RLN1: variants seen among roughly 807,000 people sequenced by gnomAD.
The protein encoded by RLN1 is prorelaxin H1.
RLN1 carries 4 observed loss-of-function variants against 7.2 expected under a neutral mutation model. The ratio of observed to expected loss-of-function variants is 0.56; its 90% CI spans 0.28 to 1.28. RLN1 has a LOEUF of 1.28. RLN1 is among the 50% of genes most tolerant of loss of function. The probability of loss-of-function intolerance (pLI) is 0.11; values close to 1 mark genes in which losing one functional copy is unlikely to be tolerated. For missense variants in RLN1, 293 were observed against 221.1 expected (o/e 1.32, Z -2.06); for synonymous variants, 105 against 86.0 (o/e 1.22, Z -1.22).
At chr9:5,337,206 G>A (rs1203532629) in intron 1 of RLN1, among the ~76,000 whole-genome samples, 1 of 151,922 alleles carries the variant, frequency 6.6e-6, no homozygotes, top group African/African-American at 2.4e-5. Flanking sequence ...TAAACTGTCT[G>A]TAGTTGCAGT....
rs751960733 is a variant in RLN1, at chr9:5,339,735, C to A, written c.12G>T (p.Leu4=). MPR[L]FLFHLLEFCL... is the part of the protein sequence containing the mutation. ...AGAATTCTAGCAGGTGGAACAAGAACAGGCGAGGCATCCTGGGCCTGGTCT... is the reference window on the plus strand; with the variant it reads ...AGAATTCTAGCAGGTGGAACAAGAAAAGGCGAGGCATCCTGGGCCTGGTCT... Residue 4 remains leucine (L), a synonymous_variant, in exon 1 of 2, where the codon CTG becomes CTT. Coordinates refer to ENST00000223862, the MANE Select transcript of RLN1 (RefSeq NM_006911.4). 3 of 1,613,606 alleles carry A rather than the reference C, an allele frequency of 1.9e-6. No individual in the cohort carries two copies. The Admixed American group carries it at 5.0e-5, about 27-fold the overall frequency.
intron 1 of RLN1, among the ~76,000 whole-genome samples, 174 bp from the exon 2 acceptor site, chr9:5,335,771 C>A (rs1247766051): frequency 2.6e-5 from 4 of 152,006 alleles, no homozygotes; most frequent in Non-Finnish European, 5.9e-5. Context: ...TACAGTTGGA[C>A]ACCTTAAAGT....
At chr9:5,340,034 T>A (rs1385200569), upstream of RLN1, among the ~76,000 whole-genome samples, 1 of 152,206 alleles carries the variant, frequency 6.6e-6, no homozygotes, top group East Asian at 1.9e-4. Context: ...TACAGTTTTG[T>A]TTTTCGCTCT....
chr9:5,339,245 C>T, intron 1 of RLN1: 1 of 256,072 alleles, frequency 3.9e-6, no homozygotes. Flanking sequence ...TCCACCCCGT[C>T]GCTCTGACTG....
Position 5,335,607 on chromosome 9 carries a change from T to C in RLN1, c.212-10A>G. The C allele has an allele frequency of 6.4e-7, 1 of 1,572,058 alleles. No individual in the cohort carries two copies. Among genetic ancestry groups the C allele is most frequent in the Non-Finnish European group, 8.7e-7 (1 of 1,152,640 alleles). ...AAGGATGGTACAATTTCTGTTAAGTTTAAAAAAAAAGTGTATGTGAAGGCG... is the reference window on the plus strand; with the variant it reads ...AAGGATGGTACAATTTCTGTTAAGTCTAAAAAAAAAGTGTATGTGAAGGCG... On this transcript the variant is annotated splice_polypyrimidine_tract_variant and intron_variant, in intron 1 of 1. Coordinates refer to ENST00000223862, the MANE Select transcript of RLN1 (RefSeq NM_006911.4).
intron 1 of RLN1, chr9:5,339,286 G>A (rs1476390011): frequency 1.1e-5 from 4 of 361,280 alleles, no homozygotes; most frequent in Admixed American, 1.2e-4. Context: ...GGAACTCTCG[G>A]GTGAAGCAGC....
chr9:5,337,471 T>G (rs986763195), intron 1 of RLN1, among the ~76,000 whole-genome samples: 5 of 152,050 alleles, frequency 3.3e-5, no homozygotes, highest in African/African-American at 1.2e-4. Flanking sequence ...GTATTTTGGA[T>G]GCAAATCTTA....
chr9:5,337,298 A>T (rs1234336452), intron 1 of RLN1, among the ~76,000 whole-genome samples: 8 of 152,048 alleles, frequency 5.3e-5, no homozygotes, highest in African/African-American at 9.7e-5. Flanking sequence ...ACAGTTATAG[A>T]TTGTATTCAG....
At chr9:5,337,055 G>T (rs1184559882) in intron 1 of RLN1, among the ~76,000 whole-genome samples, 1 of 152,008 alleles carries the variant, frequency 6.6e-6, no homozygotes, top group Non-Finnish European at 1.5e-5. Flanking sequence ...TAACACTCTC[G>T]CTCATCCACA....
At chr9:5,340,428 C>A (rs1222718404), upstream of RLN1, among the ~76,000 whole-genome samples, 1 of 152,116 alleles carries the variant, frequency 6.6e-6, no homozygotes, top group Non-Finnish European at 1.5e-5. Flanking sequence ...TCCTTCCACT[C>A]CTGTGGGAGA....
At chr9:5,339,481 C>T in intron 1 of RLN1, 55 bp downstream of exon 1, 7 of 1,322,342 alleles carry the variant, frequency 5.3e-6, no homozygotes, top group Non-Finnish European at 7.3e-6. Context: ...GGGCGGCCGC[C>T]CCAGAGTAAC....
Position 5,335,279 on chromosome 9 carries a change from G to C in RLN1, c.530C>G (p.Thr177Ser). 6.3e-7 allele frequency: 1 copy of C among 1,596,716 alleles called. No individual in the cohort carries two copies. The highest frequency in any genetic ancestry group is 8.5e-7 in the Non-Finnish European group (1 of 1,174,896). The change falls in exon 2 of 2, where the codon ACC becomes AGC. Residue 177 changes from threonine to serine, a missense_variant. Transcript: ENST00000223862. ...GCAATATTTAGCAAGAGACCTTTTG[G>C]TACAACCAATTAGGCAACATTTCTC... ...LFEKCCLIGCTKRSLAKYC is the reference protein window; with the variant it reads ...LFEKCCLIGCSKRSLAKYC
chr9:5,335,231 T>G lies in RLN1; in HGVS notation c.*20A>C. ...GACTATGTGTGAAAATTAGACAAGATGTGCACAATTAGCTTCATCTCAGCA... is the reference window on the plus strand; with the variant it reads ...GACTATGTGTGAAAATTAGACAAGAGGTGCACAATTAGCTTCATCTCAGCA... On this transcript the variant is annotated 3_prime_UTR_variant, in exon 2 of 2. Transcript: ENST00000223862. 1 of 1,465,810 alleles carries G rather than the reference T, an allele frequency of 6.8e-7. No individual in the cohort carries two copies. The highest frequency in any genetic ancestry group is 9.3e-7 in the Non-Finnish European group (1 of 1,074,698). The allele number at this position is 1,465,810 out of a possible 1,614,324, so 90.8% of individuals were successfully genotyped here.
rs776859809 is a variant in RLN1 at position 5,335,419 on chromosome 9, C to A, written c.390G>T (p.Lys130Asn). 2.5e-6 allele frequency: 4 copies of A among 1,612,904 alleles called. No homozygotes were observed. The highest frequency in any genetic ancestry group is 1.7e-5 in the Admixed American group (1 of 59,984). ...CACTTTGCCTATTGCGAATAAGTTT[C>A]TTAAATTCTTCAAAGCTAAGATTGG... The part of the protein sequence containing the change: ...KDSNLSFEEF[K>N]KLIRNRQSEA... The change falls in exon 2 of 2, where the codon AAG (lysine) becomes AAT (asparagine). Residue 130 changes from lysine to asparagine, a missense_variant. Physicochemically the swap from Lys to Asn is moderately conservative, Grantham distance 94. Coordinates refer to ENST00000223862, the MANE Select transcript of RLN1 (RefSeq NM_006911.4).
chr9:5,339,487 G>C, intron 1 of RLN1, 49 bp downstream of exon 1: 1 of 1,374,952 alleles, frequency 7.3e-7, no homozygotes, highest in South Asian at 1.3e-5. Flanking sequence ...CCGCCCCAGA[G>C]TAACCAATGG....
Position 5,335,517 on chromosome 9 carries a change from G to A in RLN1, c.292C>T (p.Leu98=), listed in dbSNP as rs144826128. 8.6e-4 allele frequency: 1,389 copies of A among 1,613,146 alleles called. 21 individuals are homozygous for A. Among genetic ancestry groups the A allele is most frequent in the East Asian group, 4.7e-3 (211 of 44,854 alleles). ...LEFIANLPPE[L]KAALSERQPS... is the part of the protein sequence containing the mutation. ...TGCCTCTCAGATAGGGCTGCCTTCAGCTCCGGTGGCAAATTAGCAATGAAT... is the reference window on the plus strand; with the variant it reads ...TGCCTCTCAGATAGGGCTGCCTTCAACTCCGGTGGCAAATTAGCAATGAAT... Residue 98 remains leucine, a synonymous_variant, in exon 2 of 2, where the codon CTG becomes TTG. Transcript: ENST00000223862.
At chr9:5,339,270 C>T in intron 1 of RLN1, 2 of 316,574 alleles carry the variant, frequency 6.3e-6, no homozygotes, top group Admixed American at 6.6e-5. Context: ...ACGGAAAGGG[C>T]ACCAAGGAAC....
At chr9:5,336,095 T>C (rs983805773) in intron 1 of RLN1, among the ~76,000 whole-genome samples, 2 of 152,014 alleles carry the variant, frequency 1.3e-5, no homozygotes, top group African/African-American at 4.8e-5. Context: ...TCCTGGAGGA[T>C]AAAGTTAAAG....
chr9:5,335,864 G>A (rs537600861), intron 1 of RLN1, among the ~76,000 whole-genome samples: 1 of 151,948 alleles, frequency 6.6e-6, no homozygotes, highest in East Asian at 1.9e-4. Context: ...TTTTATCATA[G>A]TACTTTTGAC....
Sources: gnomAD v4.1 joint callset for allele counts (sites outside exome capture counted in the v4.1 genomes callset) on GRCh38, gnomAD v4.1.1 for gene constraint, MANE v1.5 for transcripts, NCBI Gene and HGNC (gene_info 2026-07-23, HGNC 2026-07-21) for gene names.